The following MYO18B variants were observed in gnomAD, a reference collection of about 807,000 sequenced individuals.
MYO18B encodes unconventional myosin-XVIIIb.
A neutral mutation model predicts 273.0 loss-of-function variants in MYO18B; 204 were observed. The ratio of observed to expected loss-of-function variants is 0.75; its 90% CI spans 0.67 to 0.84. The LOEUF (loss-of-function observed/expected upper bound fraction) is 0.84, where lower values mean the gene tolerates loss of function less well. Ranked by LOEUF, MYO18B falls within the 40% of genes least tolerant of loss-of-function variation. MYO18B has a pLI of 0.00. For missense variants in MYO18B, 3,212 were observed against 3,287.6 expected (o/e 0.98, Z 0.56); for synonymous variants, 1,330 against 1,305.7 (o/e 1.02, Z -0.40).
chr22:25,920,244 C>T (rs578086499), intron 33 of MYO18B, among the ~76,000 whole-genome samples: 29 of 152,306 alleles, frequency 1.9e-4, no homozygotes, highest in Middle Eastern at 3.4e-3. Context: ...AACTCCCCAT[C>T]TGATGGACAG....
At chr22:25,767,967 C>A in intron 3 of MYO18B, 148 bp from the exon 4 acceptor site, 2 of 763,426 alleles carry the variant, frequency 2.6e-6, no homozygotes, top group Non-Finnish European at 4.3e-6. Flanking sequence ...TAGGCTTGGC[C>A]ATGCCTGTTG....
intron 24 of MYO18B, among the ~76,000 whole-genome samples, 200 bp downstream of exon 24, chr22:25,876,532 C>T (rs2091204197): frequency 6.6e-6 from 1 of 152,182 alleles, no homozygotes; most frequent in South Asian, 2.1e-4. Context: ...CAGCTCCTCT[C>T]TAGGCTGTGG....
chr22:25,939,399 C>T (rs1402304097), intron 34 of MYO18B, among the ~76,000 whole-genome samples: 2 of 152,212 alleles, frequency 1.3e-5, no homozygotes, highest in African/African-American at 2.4e-5. Context: ...AAGCATGTTC[C>T]ATCTTGTATT....
chr22:26,052,879 T>G, the MYO18B span, among the ~76,000 whole-genome samples: 1 of 150,492 alleles, frequency 6.6e-6, no homozygotes, highest in Non-Finnish European at 1.5e-5. Flanking sequence ...CTCGGCTCAC[T>G]GCAAGCTCTG....
intron 3 of MYO18B, 151 bp from the exon 4 acceptor site, chr22:25,767,964 G>T: frequency 2.7e-6 from 2 of 741,016 alleles, no homozygotes; most frequent in Non-Finnish European, 4.4e-6. Flanking sequence ...TGCTAGGCTT[G>T]GCCATGCCTG....
the MYO18B span, among the ~76,000 whole-genome samples, chr22:26,047,920 A>G: frequency 6.6e-6 from 1 of 152,028 alleles, no homozygotes; most frequent in Non-Finnish European, 1.5e-5. Flanking sequence ...TTCCTGCCAC[A>G]CTGGCTGCCT....
At chr22:26,004,677 G>C (rs767627755) in intron 41 of MYO18B, 41 bp from the exon 42 acceptor site, 12 of 1,608,844 alleles carry the variant, frequency 7.5e-6, no homozygotes, top group Admixed American at 1.7e-5. Flanking sequence ...CTGTTACTGT[G>C]ATTGTCATTG....
At chr22:25,992,641 A>G in intron 40 of MYO18B, 148 bp downstream of exon 40, 1 of 1,048,190 alleles carries the variant, frequency 9.5e-7, no homozygotes. Flanking sequence ...TACTTGGGTA[A>G]GGAGAGACTG....
At chr22:25,868,787 G>A (rs1203234309) in intron 22 of MYO18B, among the ~76,000 whole-genome samples, 1 of 152,200 alleles carries the variant, frequency 6.6e-6, no homozygotes, top group Non-Finnish European at 1.5e-5. Flanking sequence ...TAGCTGATGA[G>A]CAGCAGTAAG....
intron 34 of MYO18B, among the ~76,000 whole-genome samples, chr22:25,929,461 A>G (rs1228160916): frequency 6.6e-6 from 1 of 152,222 alleles, no homozygotes; most frequent in Non-Finnish European, 1.5e-5. Context: ...CTGTGCACAA[A>G]TAACATCTGT....
At chr22:26,031,759 G>C (rs1221101742), downstream of MYO18B, among the ~76,000 whole-genome samples, 2 of 152,166 alleles carry the variant, frequency 1.3e-5, no homozygotes, top group Non-Finnish European at 2.9e-5. Context: ...GGGGCAGGAG[G>C]GAAATTCACT....
chr22:26,024,005 G>A (rs1430910782), intron 42 of MYO18B, among the ~76,000 whole-genome samples: 1 of 152,116 alleles, frequency 6.6e-6, no homozygotes, highest in Admixed American at 6.6e-5. Flanking sequence ...GAGCTGCTCT[G>A]GGCAAACGTG....
chr22:25,799,857 A>G (rs1461791483), intron 12 of MYO18B, among the ~76,000 whole-genome samples: 1 of 152,204 alleles, frequency 6.6e-6, no homozygotes, highest in Admixed American at 6.5e-5. Context: ...ATATGAAAAT[A>G]CCAAATGCCA....
At chr22:25,870,520 C>T (rs1300199213) in intron 22 of MYO18B, among the ~76,000 whole-genome samples, 5 of 152,158 alleles carry the variant, frequency 3.3e-5, no homozygotes, top group African/African-American at 9.7e-5. Flanking sequence ...GTTATGGGCT[C>T]GCTGTTGTGT....
At chr22:25,868,038 A>G (rs2090940728) in intron 21 of MYO18B, among the ~76,000 whole-genome samples, 1 of 152,174 alleles carries the variant, frequency 6.6e-6, no homozygotes, top group Non-Finnish European at 1.5e-5. Flanking sequence ...TGATTTCCCT[A>G]ACAGCTGCAT....
Position 25,846,027 on chromosome 22 carries a change from T to G in MYO18B, c.3369-73T>G, listed in dbSNP as rs2072012. On this transcript the variant is annotated intron_variant, in intron 18 of 43. Transcript: ENST00000335473. ...CAGGAAGCAAGAAGGCTTGTTCCCT[T>G]TGCCACCACCCAGGCCAAGGCTTTC... is the stretch of plus-strand genomic sequence containing the variant. 5.9e-6 allele frequency: 8 copies of G among 1,348,186 alleles called. No homozygotes were observed. The Middle Eastern group carries it at 7.1e-4, about 120-fold the overall frequency. The allele number at this position is 1,348,186 out of a possible 1,614,324, so 83.5% of individuals were successfully genotyped here.
At chr22:26,056,195 G>A in the MYO18B span, among the ~76,000 whole-genome samples, 1 of 152,184 alleles carries the variant, frequency 6.6e-6, no homozygotes, top group African/African-American at 2.4e-5. Context: ...GCCGTAGCTG[G>A]TTGAGCTCTT....
chr22:25,846,323 T>G, intron 19 of MYO18B, 40 bp downstream of exon 19: 3 of 1,600,058 alleles, frequency 1.9e-6, no homozygotes, highest in Non-Finnish European at 2.6e-6. Context: ...TGGCCTTCAC[T>G]GCCTCCATCC....
At chr22:25,775,235 A>G (rs1023326165) in intron 7 of MYO18B, among the ~76,000 whole-genome samples, 1 of 152,160 alleles carries the variant, frequency 6.6e-6, no homozygotes, top group Non-Finnish European at 1.5e-5. Context: ...TGCCTGCATT[A>G]GGTTCCTGCT....
Sources: allele counts gnomAD v4.1 joint callset (sites outside exome capture counted in the v4.1 genomes callset), GRCh38; gene constraint gnomAD v4.1.1; transcripts MANE v1.5; gene names NCBI Gene and HGNC (gene_info 2026-07-23, HGNC 2026-07-21).